Variants in SLCO6A1 observed in about 807,000 individuals in gnomAD.
SLCO6A1 encodes solute carrier organic anion transporter family member 6A1, also known as cancer/testis antigen 48.
A neutral mutation model predicts 72.7 loss-of-function variants in SLCO6A1; 65 were observed. That is an observed-to-expected ratio of 0.89 (90% CI 0.73 to 1.10). The LOEUF (loss-of-function observed/expected upper bound fraction) is 1.10. SLCO6A1 is among the 50% of genes least tolerant of loss of function. The pLI, the probability that SLCO6A1 is intolerant of heterozygous loss-of-function variation, is 0.00. For missense variants in SLCO6A1, 874 were observed against 872.6 expected, an observed-to-expected ratio of 1.00 and a Z score of -0.02; for synonymous variants, 314 against 298.2, an observed-to-expected ratio of 1.05 and a Z score of -0.55.
At chr5:102,443,933 A>G (rs1749974481) in intron 6 of SLCO6A1, among the ~76,000 whole-genome samples, 1 of 152,180 alleles carries the variant, frequency 6.6e-6, no homozygotes, top group African/African-American at 2.4e-5. Context: ...GTGCTATTCA[A>G]CCATCCCTAT....
intron 12 of SLCO6A1, among the ~76,000 whole-genome samples, chr5:102,377,591 T>C (rs1024722862): frequency 1.3e-5 from 2 of 152,002 alleles, no homozygotes; most frequent in Non-Finnish European, 2.9e-5. Flanking sequence ...TTAATTTTAT[T>C]AATTACACCT....
intron 10 of SLCO6A1, among the ~76,000 whole-genome samples, chr5:102,394,275 T>C (rs1402638067): frequency 1.3e-5 from 2 of 152,224 alleles, no homozygotes; most frequent in Non-Finnish European, 2.9e-5. Context: ...TATTTAACAA[T>C]AATTTCATAT....
chr5:102,498,441 G>T, intron 1 of SLCO6A1, 46 bp downstream of exon 1: 1 of 1,556,600 alleles, frequency 6.4e-7, no homozygotes, highest in Non-Finnish European at 8.7e-7. Flanking sequence ...CCGCCAGTGC[G>T]GCCCCAGCTG....
chr5:102,397,851 G>C (rs1194777201), intron 10 of SLCO6A1, among the ~76,000 whole-genome samples: 1 of 151,984 alleles, frequency 6.6e-6, no homozygotes, highest in Non-Finnish European at 1.5e-5. Flanking sequence ...TGTCATAATT[G>C]TACTGAAACT....
chr5:102,409,623 C>T (rs1747864728), intron 9 of SLCO6A1, among the ~76,000 whole-genome samples: 1 of 152,142 alleles, frequency 6.6e-6, no homozygotes, highest in East Asian at 1.9e-4. Context: ...CCTAGCAAGG[C>T]TAATTGTCCT....
At chr5:102,491,637 C>T (rs1286781560) in intron 1 of SLCO6A1, among the ~76,000 whole-genome samples, 7 of 152,254 alleles carry the variant, frequency 4.6e-5, no homozygotes, top group Non-Finnish European at 7.3e-5. Flanking sequence ...CCGGTGGCTC[C>T]GAGTTCAGGG....
chr5:102,477,716 A>C lies in SLCO6A1; in HGVS notation c.762T>G (p.Ile254Met). 6.2e-7 allele frequency: 1 copy of C among 1,613,724 alleles called. No individual in the cohort carries two copies. The highest frequency in any genetic ancestry group is 8.5e-7 in the Non-Finnish European group (1 of 1,179,812). The change falls in exon 3 of 14, where the codon ATT (isoleucine) becomes ATG (methionine). Residue 254 changes from isoleucine (I) to methionine (M), a missense_variant. Coordinates refer to ENST00000506729, the MANE Select transcript of SLCO6A1 (RefSeq NM_173488.5). The stretch of plus-strand genomic sequence containing the variant: ...CTGAGTGTGTAGCAACATTCTCATC[A>C]ATAAAGGTTATTCCAAGGATATAAA... The part of the protein sequence containing the change: ...MPLYILGITF[I>M]DENVATHSAG...
intron 7 of SLCO6A1, among the ~76,000 whole-genome samples, chr5:102,422,014 A>T (rs1247952632): frequency 2.0e-5 from 3 of 152,202 alleles, no homozygotes; most frequent in Non-Finnish European, 4.4e-5. Flanking sequence ...ACTCCAGCAG[A>T]CCTGTAGAAG....
At chr5:102,420,119 C>A in intron 7 of SLCO6A1, 98 bp from the exon 8 acceptor site, 2 of 986,262 alleles carry the variant, frequency 2.0e-6, no homozygotes, top group Non-Finnish European at 2.9e-6. Context: ...AAACATATAG[C>A]AAACATGTAT....
chr5:102,482,627 T>C (rs1752268430), intron 1 of SLCO6A1, among the ~76,000 whole-genome samples: 1 of 152,230 alleles, frequency 6.6e-6, no homozygotes, highest in Non-Finnish European at 1.5e-5. Context: ...GTTCTGGTTA[T>C]TGAGATATGT....
intron 12 of SLCO6A1, among the ~76,000 whole-genome samples, chr5:102,383,773 T>C (rs1746253115): frequency 6.6e-6 from 1 of 151,884 alleles, no homozygotes; most frequent in African/African-American, 2.4e-5. Context: ...AAGGTTAGTA[T>C]TATTTCATCT....
At chr5:102,416,682 C>T (rs1748304898) in intron 8 of SLCO6A1, among the ~76,000 whole-genome samples, 1 of 152,100 alleles carries the variant, frequency 6.6e-6, no homozygotes, top group African/African-American at 2.4e-5. Flanking sequence ...GACCACTTAT[C>T]TCACCTATGC....
chr5:102,412,963 AAC>A, intron 9 of SLCO6A1, 25 bp downstream of exon 9: 1 of 1,049,120 alleles, frequency 9.5e-7, no homozygotes, highest in South Asian at 3.2e-5. Context: ...TGTATAACAA[AAC>A]ATAATAATTA....
In SLCO6A1 at chr5:102,459,759, A is replaced by G. The variant is rs746436441; in HGVS notation, c.918T>C (p.Gly306=). ...TSATNTTVNN[G]SPEWLWTWWI... ...ACCAAGTCCATAGCCATTCTGGACT[A>G]CCATTATTGACTGTAGTGCTTTAAT... is the stretch of plus-strand genomic sequence containing the variant. The change falls in exon 5 of 14, where the codon GGT becomes GGC. Residue 306 remains glycine, a synonymous_variant. Coordinates refer to ENST00000506729, the MANE Select transcript of SLCO6A1 (RefSeq NM_173488.5). The G allele has an allele frequency of 4.4e-6, 7 of 1,591,172 alleles. No individual in the cohort carries two copies. The highest frequency in any genetic ancestry group is 2.7e-5 in the African/African-American group (2 of 73,242).
rs112714289 is a variant in SLCO6A1 at position 102,464,027 on chromosome 5, T to C, written c.900-4250A>G. Reference sequence around the variant, plus strand: ...GCATAAGAAGAAATGTAATGGACTTTGGGGACTTGCAGGGAAGGGTAGGAT... The same window carrying C: ...GCATAAGAAGAAATGTAATGGACTTCGGGGACTTGCAGGGAAGGGTAGGAT... On this transcript the variant is annotated intron_variant, in intron 4 of 13. Coordinates refer to ENST00000506729, the MANE Select transcript of SLCO6A1 (RefSeq NM_173488.5). Among the ~76,000 whole-genome samples the C allele has an allele frequency of 1.1e-3, 160 of 152,078 alleles. 3 individuals are homozygous for C. The highest frequency in any genetic ancestry group is 3.5e-3 in the African/African-American group (147 of 41,470).
At chr5:102,374,969 G>T (rs1745700136) in intron 12 of SLCO6A1, among the ~76,000 whole-genome samples, 1 of 152,064 alleles carries the variant, frequency 6.6e-6, no homozygotes, top group African/African-American at 2.4e-5. Flanking sequence ...AATATCCAAG[G>T]CAGGGCAGAA....
At chr5:102,470,428 T>G (rs981693044) in intron 4 of SLCO6A1, among the ~76,000 whole-genome samples, 2 of 152,170 alleles carry the variant, frequency 1.3e-5, no homozygotes, top group African/African-American at 4.8e-5. Context: ...TTCTTCTAGA[T>G]TTTCTAGTTT....
chr5:102,421,876 G>A (rs372314964), intron 7 of SLCO6A1, among the ~76,000 whole-genome samples: 6 of 152,156 alleles, frequency 3.9e-5, no homozygotes, highest in South Asian at 2.1e-4. Context: ...GGAGAGCTCC[G>A]GCTGGCATTT....
chr5:102,472,178 T>C (rs554561773), intron 4 of SLCO6A1, among the ~76,000 whole-genome samples: 1 of 152,166 alleles, frequency 6.6e-6, no homozygotes, highest in African/African-American at 2.4e-5. Context: ...TTTAGAAAGA[T>C]GAAGAGTAAA....
Sources: allele counts gnomAD v4.1 joint callset (sites outside exome capture counted in the v4.1 genomes callset), GRCh38; gene constraint gnomAD v4.1.1; transcripts MANE v1.5; gene names NCBI Gene and HGNC (gene_info 2026-07-23, HGNC 2026-07-21).